The following MPPED2 variants were observed in gnomAD, a reference collection of about 807,000 sequenced individuals.
MPPED2 encodes metallophosphoesterase MPPED2.
Under a neutral mutation model 33.0 loss-of-function variants are expected in MPPED2, and 5 were observed. The observed-to-expected ratio is 0.15, with a 90% CI of 0.08 to 0.32. The LOEUF (loss-of-function observed/expected upper bound fraction) is 0.32. Ranked by LOEUF, MPPED2 falls within the 10% of genes least tolerant of loss-of-function variation. The pLI is 1.00. For missense variants in MPPED2, 275 were observed against 372.1 expected, an observed-to-expected ratio of 0.74 and a Z score of 2.15; for synonymous variants, 136 against 141.9, an observed-to-expected ratio of 0.96 and a Z score of 0.29.
intron 2 of MPPED2, among the ~76,000 whole-genome samples, chr11:30,563,300 C>T (rs1288640754): frequency 1.3e-5 from 2 of 152,086 alleles, no homozygotes; most frequent in Non-Finnish European, 2.9e-5. Flanking sequence ...ACTGGTCCAC[C>T]TCAGATCATC....
chr11:30,464,121 T>A (rs1302818666), intron 4 of MPPED2, among the ~76,000 whole-genome samples: 1 of 152,108 alleles, frequency 6.6e-6, no homozygotes, highest in Non-Finnish European at 1.5e-5. Context: ...AACAAGTAAG[T>A]GATATGATAA....
chr11:30,419,266 T>G (rs1200267300), intron 4 of MPPED2, among the ~76,000 whole-genome samples: 4 of 152,152 alleles, frequency 2.6e-5, no homozygotes, highest in Non-Finnish European at 1.5e-5. Flanking sequence ...AGAGGTTAGG[T>G]AAACACAATT....
chr11:30,583,195 A>T (rs2134951865), intron 1 of MPPED2, among the ~76,000 whole-genome samples: 1 of 139,440 alleles, frequency 7.2e-6, no homozygotes, highest in East Asian at 2.0e-4. Flanking sequence ...GGGACAATAG[A>T]CAAAACCACT....
intron 2 of MPPED2, among the ~76,000 whole-genome samples, chr11:30,537,930 C>A (rs1465510334): frequency 1.3e-5 from 2 of 151,996 alleles, no homozygotes; most frequent in Non-Finnish European, 2.9e-5. Context: ...ATCACTGAGA[C>A]TTGGTTACAC....
At chr11:30,420,624 C>A (rs950353187) in intron 4 of MPPED2, among the ~76,000 whole-genome samples, 1 of 152,154 alleles carries the variant, frequency 6.6e-6, no homozygotes, top group Admixed American at 6.5e-5. Flanking sequence ...AGCCACACCG[C>A]CTTGCTCAGC....
intron 4 of MPPED2, among the ~76,000 whole-genome samples, chr11:30,494,610 TG>T (rs1364715457): frequency 6.6e-6 from 1 of 151,640 alleles, no homozygotes; most frequent in Admixed American, 6.6e-5. Context: ...CAGTGGCATG[TG>T]CCTGTAATCC....
intron 2 of MPPED2, among the ~76,000 whole-genome samples, chr11:30,541,605 C>A (rs1222306): frequency 6.6e-6 from 1 of 151,936 alleles, no homozygotes; most frequent in African/African-American, 2.4e-5. Context: ...GGTTTTCTTA[C>A]TTTTGTTTTT....
downstream of MPPED2, among the ~76,000 whole-genome samples, chr11:30,408,377 T>C (rs1461062058): frequency 6.6e-6 from 1 of 152,212 alleles, no homozygotes; most frequent in Non-Finnish European, 1.5e-5. Context: ...TGGCACTCTC[T>C]CGGCGCTCAC....
intron 4 of MPPED2, among the ~76,000 whole-genome samples, chr11:30,468,508 T>C (rs914610656): frequency 6.6e-6 from 1 of 151,712 alleles, no homozygotes; most frequent in Admixed American, 6.6e-5. Flanking sequence ...TAAAATGGCA[T>C]TAAGGGAGAG....
Position 30,470,494 on chromosome 11 carries a change from T to A in MPPED2, c.536+24802A>T, listed in dbSNP as rs368074585. Among the ~76,000 whole-genome samples, 68 of 152,324 alleles carry A rather than the reference T, an allele frequency of 4.5e-4. No individual in the cohort carries two copies. In the South Asian group the frequency reaches 0.013, roughly 30 times the overall value. ...TACTCATAGTTATGAAGTTTCTTTT[T>A]TATGTGATGAAAACATCCTAAAATT... On this transcript the variant is annotated intron_variant, in intron 4 of 6. Coordinates refer to ENST00000358117, the MANE Select transcript of MPPED2 (RefSeq NM_001584.3).
chr11:30,415,676 T>G (rs1948318178), intron 5 of MPPED2, among the ~76,000 whole-genome samples: 1 of 152,124 alleles, frequency 6.6e-6, no homozygotes, highest in African/African-American at 2.4e-5. Flanking sequence ...TCACAGCCAC[T>G]CTCTCATTTA....
At chr11:30,417,480 G>T in intron 5 of MPPED2, 38 bp downstream of exon 5, 1 of 1,160,130 alleles carries the variant, frequency 8.6e-7, no homozygotes, top group Non-Finnish European at 1.3e-6. Context: ...GGAAAAAAAG[G>T]CATCTGGATG....
intron 4 of MPPED2, among the ~76,000 whole-genome samples, chr11:30,422,847 G>T (rs1211906648): frequency 6.6e-6 from 1 of 152,140 alleles, no homozygotes; most frequent in African/African-American, 2.4e-5. Context: ...CTAGAAGGAA[G>T]GAGAGCAACT....
chr11:30,443,890 G>T (rs982211445), intron 4 of MPPED2, among the ~76,000 whole-genome samples: 1 of 152,206 alleles, frequency 6.6e-6, no homozygotes, highest in Non-Finnish European at 1.5e-5. Context: ...GTAATCCGAG[G>T]CTTGGAACAG....
rs149184173 is a variant in MPPED2, at chr11:30,563,670, A to T, written c.128+16576T>A. On this transcript the variant is annotated intron_variant, in intron 2 of 6. Coordinates refer to ENST00000358117, the MANE Select transcript of MPPED2 (RefSeq NM_001584.3). ...AGAGGCAACTCTAAAGAGGGTGGGG[A>T]GATTCTGAGTTCAGAGAGAATTTAC... Among the ~76,000 whole-genome samples the T allele has an allele frequency of 4.1e-4, 63 of 152,308 alleles. 1 individual carries two copies. The East Asian group carries it at 0.011, about 27-fold the overall frequency.
intron 2 of MPPED2, among the ~76,000 whole-genome samples, chr11:30,569,313 G>A (rs900533645): frequency 3.3e-5 from 5 of 152,102 alleles, no homozygotes; most frequent in African/African-American, 1.2e-4. Flanking sequence ...GTACCAAACA[G>A]GATACCCAAG....
At chr11:30,534,626 T>A (rs1954713909) in intron 3 of MPPED2, among the ~76,000 whole-genome samples, 1 of 152,212 alleles carries the variant, frequency 6.6e-6, no homozygotes, top group Admixed American at 6.5e-5. Flanking sequence ...CATTCACTGC[T>A]AGTGAAACAC....
At chr11:30,579,983 A>G (rs1957092817) in intron 2 of MPPED2, among the ~76,000 whole-genome samples, 1 of 152,158 alleles carries the variant, frequency 6.6e-6, no homozygotes, top group Non-Finnish European at 1.5e-5. Context: ...GTTCTTATCT[A>G]TAAATAGGGG....
chr11:30,532,777 C>T (rs2134458052), intron 3 of MPPED2, among the ~76,000 whole-genome samples: 1 of 152,256 alleles, frequency 6.6e-6, no homozygotes, highest in Non-Finnish European at 1.5e-5. Context: ...CTTCTTATGA[C>T]CTAAGATGAA....
Sources: gnomAD v4.1 joint callset for allele counts (sites outside exome capture counted in the v4.1 genomes callset) on GRCh38, gnomAD v4.1.1 for gene constraint, MANE v1.5 for transcripts, NCBI Gene and HGNC (gene_info 2026-07-23, HGNC 2026-07-21) for gene names.